Variants in PRKACB observed in about 807,000 individuals in gnomAD.
The protein encoded by PRKACB is protein kinase cAMP-activated catalytic subunit beta, also known as cAMP-dependent protein kinase catalytic subunit beta.
In PRKACB, 16 loss-of-function variants were observed where a neutral mutation model predicts 51.4. That is an observed-to-expected ratio of 0.31 (90% CI 0.21 to 0.47). The LOEUF (loss-of-function observed/expected upper bound fraction) is 0.47, where lower values mean the gene tolerates loss of function less well. PRKACB is among the 20% of genes least tolerant of loss of function. The pLI, the probability that PRKACB is intolerant of heterozygous loss-of-function variation, is 1.00. For missense variants in PRKACB, 309 were observed against 464.5 expected (o/e 0.67, Z 3.08); for synonymous variants, 147 against 154.4 (o/e 0.95, Z 0.35).
chr1:84,143,416 A>C (rs1410210136), upstream of PRKACB, among the ~76,000 whole-genome samples: 1 of 152,148 alleles, frequency 6.6e-6, no homozygotes, highest in Non-Finnish European at 1.5e-5. Flanking sequence ...GCACCACTGC[A>C]CTCCAATCTG....
intron 1 of PRKACB, among the ~76,000 whole-genome samples, chr1:84,103,436 G>A (rs529283898): frequency 2.0e-5 from 3 of 151,836 alleles, no homozygotes; most frequent in African/African-American, 7.2e-5. Context: ...TGTGGGGGTG[G>A]GGGGTAGAGA....
chr1:84,157,277 G>A (rs1437195029), intron 1 of PRKACB: 1 of 152,112 alleles, frequency 6.6e-6, no homozygotes, highest in East Asian at 1.9e-4. Flanking sequence ...GGTAATGGAT[G>A]CCTACCAGCC....
chr1:84,171,938 A>G (rs1320142265), intron 1 of PRKACB, among the ~76,000 whole-genome samples: 2 of 151,710 alleles, frequency 1.3e-5, no homozygotes, highest in Non-Finnish European at 3.0e-5. Context: ...CCAAAGTGCT[A>G]AAGAACCTAG....
intron 1 of PRKACB, among the ~76,000 whole-genome samples, chr1:84,162,809 AT>A (rs1271296664): frequency 1.3e-5 from 2 of 151,958 alleles, no homozygotes; most frequent in Non-Finnish European, 2.9e-5. Context: ...ATTCAGGGAC[AT>A]TTTTTATTGA....
Position 84,185,167 on chromosome 1 carries a change from G to A in PRKACB, c.545G>A (p.Arg182Lys). The A allele has an allele frequency of 6.6e-7, 1 of 1,511,532 alleles. No homozygotes were observed. Among genetic ancestry groups the A allele is most frequent in the Non-Finnish European group, 8.8e-7 (1 of 1,133,804 alleles). The allele number at this position is 1,511,532 out of a possible 1,614,324, so 93.6% of individuals were successfully genotyped here. ...PGGEMFSHLR[R>K]IGRFSEPHAR... Reference sequence around the variant, plus strand: ...GGTGAAATGTTTTCACATCTAAGAAGAATTGGAAGGTTCAGGTAACTAATG... The same window carrying A: ...GGTGAAATGTTTTCACATCTAAGAAAAATTGGAAGGTTCAGGTAACTAATG... The change falls in exon 5 of 10, where the codon AGA (arginine) becomes AAA (lysine). Residue 182 changes from arginine (R) to lysine (K), a missense_variant. This residue lies in a region of PRKACB where 60 missense variants were observed against 144.4 expected (regional missense o/e 0.42). Coordinates refer to ENST00000370685, the MANE Select transcript of PRKACB (RefSeq NM_182948.4).
chr1:84,233,221 T>C (rs1190175744), intron 9 of PRKACB, among the ~76,000 whole-genome samples: 1 of 151,866 alleles, frequency 6.6e-6, no homozygotes, highest in Non-Finnish European at 1.5e-5. Flanking sequence ...TTCTCTTCTT[T>C]AAGAATGTTG....
intron 1 of PRKACB, among the ~76,000 whole-genome samples, chr1:84,129,607 A>C (rs1651973381): frequency 6.6e-6 from 1 of 152,156 alleles, no homozygotes; most frequent in African/African-American, 2.4e-5. Context: ...TTTTATTTCT[A>C]AATCTATTAT....
At chr1:84,110,637 T>C (rs1056963824) in intron 1 of PRKACB, among the ~76,000 whole-genome samples, 1 of 151,994 alleles carries the variant, frequency 6.6e-6, no homozygotes, top group African/African-American at 2.4e-5. Flanking sequence ...GTTTTTTCCC[T>C]TACTCTATAG....
intron 1 of PRKACB, among the ~76,000 whole-genome samples, chr1:84,094,087 T>G (rs1363652505): frequency 2.0e-5 from 3 of 152,008 alleles, no homozygotes; most frequent in African/African-American, 7.2e-5. Context: ...CTTATACATT[T>G]TTTTTGCCTT....
At position 84,202,751 on chromosome 1, in the gene PRKACB, C is replaced by T. The variant is rs755338285; in HGVS notation, c.852C>T (p.Pro284=). The T allele has an allele frequency of 2.2e-5, 36 of 1,610,068 alleles. No homozygotes were observed. The highest frequency in any genetic ancestry group is 3.3e-4 in the Middle Eastern group (2 of 6,068). Reference sequence around the variant, plus strand: ...TCTATGAAATGGCAGCTGGCTATCCCCCATTCTTTGCAGACCAACCAATTC... The same window carrying T: ...TCTATGAAATGGCAGCTGGCTATCCTCCATTCTTTGCAGACCAACCAATTC... ...VLIYEMAAGY[P]PFFADQPIQI... The change falls in exon 8 of 10, where the codon CCC becomes CCT. Residue 284 remains proline (P), a synonymous_variant. Coordinates refer to ENST00000370685, the MANE Select transcript of PRKACB (RefSeq NM_182948.4).
At chr1:84,089,689 G>C (rs1181184284) in intron 1 of PRKACB, among the ~76,000 whole-genome samples, 3 of 152,108 alleles carry the variant, frequency 2.0e-5, no homozygotes, top group African/African-American at 7.2e-5. Context: ...CTTTGACCAT[G>C]TTATCTCCTA....
At chr1:84,134,501 A>G (rs1368693967) in intron 1 of PRKACB, among the ~76,000 whole-genome samples, 4 of 152,210 alleles carry the variant, frequency 2.6e-5, no homozygotes, top group South Asian at 2.1e-4. Flanking sequence ...CTGCAAAGAA[A>G]ACAGTGTAGT....
At chr1:84,095,549 T>C (rs542123481) in intron 1 of PRKACB, among the ~76,000 whole-genome samples, 10 of 152,064 alleles carry the variant, frequency 6.6e-5, no homozygotes, top group Non-Finnish European at 1.3e-4. Context: ...TCTTTTTTTT[T>C]CTTTGGTTGC....
chr1:84,166,163 C>CTGGA (rs1657400885), intron 1 of PRKACB, among the ~76,000 whole-genome samples: 1 of 151,576 alleles, frequency 6.6e-6, no homozygotes, highest in Non-Finnish European at 1.5e-5. Flanking sequence ...TAAGAATTAA[C>CTGGA]TGGATTGTTA....
intron 1 of PRKACB, among the ~76,000 whole-genome samples, chr1:84,111,986 C>A (rs1338435834): frequency 6.6e-6 from 1 of 152,024 alleles, no homozygotes; most frequent in Non-Finnish European, 1.5e-5. Flanking sequence ...AATTATGTCC[C>A]TGGAAATAAT....
chr1:84,131,708 C>T (rs906079938), intron 1 of PRKACB, among the ~76,000 whole-genome samples: 1 of 152,172 alleles, frequency 6.6e-6, no homozygotes, highest in African/African-American at 2.4e-5. Context: ...CCGAGATCTG[C>T]TTACTTAGAG....
chr1:84,125,275 A>G (rs892800820), intron 1 of PRKACB, among the ~76,000 whole-genome samples: 2 of 152,174 alleles, frequency 1.3e-5, no homozygotes, highest in African/African-American at 2.4e-5. Context: ...GTGCTTCTAC[A>G]TAGGCTGTAA....
At chr1:84,124,545 A>G (rs1033211266) in intron 1 of PRKACB, among the ~76,000 whole-genome samples, 13 of 152,308 alleles carry the variant, frequency 8.5e-5, no homozygotes, top group Middle Eastern at 3.4e-3. Context: ...AAAACTGGAC[A>G]TTTGTAATGT....
chr1:84,175,794 T>C (rs1661040120), intron 1 of PRKACB: 4 of 1,574,514 alleles, frequency 2.5e-6, no homozygotes, highest in Non-Finnish European at 3.4e-6. Context: ...TGGGTGAACA[T>C]GTAGATTCCT....
Sources: allele counts gnomAD v4.1 joint callset (sites outside exome capture counted in the v4.1 genomes callset), GRCh38; gene constraint gnomAD v4.1.1; regional missense constraint gnomAD v4.1.1; transcripts MANE v1.5; gene names NCBI Gene and HGNC (gene_info 2026-07-23, HGNC 2026-07-21).